Variants in ZNF513 observed in about 807,000 individuals in gnomAD.
ZNF513 encodes zinc finger protein 513.
In ZNF513, 16 loss-of-function variants were observed where a neutral mutation model predicts 39.7. That is an observed-to-expected ratio of 0.40 (90% CI 0.27 to 0.61). ZNF513 has a LOEUF of 0.61. ZNF513 is among the 20% of genes least tolerant of loss of function. The pLI is 0.39. For missense variants in ZNF513, 699 were observed against 743.6 expected, an observed-to-expected ratio of 0.94 and a Z score of 0.70; for synonymous variants, 348 against 296.5, an observed-to-expected ratio of 1.17 and a Z score of -1.79.
intron 2 of ZNF513, among the ~76,000 whole-genome samples, chr2:27,379,594 A>G (rs919028722): frequency 1.3e-5 from 2 of 152,242 alleles, no homozygotes; most frequent in East Asian, 1.9e-4. Context: ...AACATCTTGC[A>G]TAAGTGGATG....
At chr2:27,380,035 C>T (rs1304540322) in intron 2 of ZNF513, 58 bp downstream of exon 2, 14 of 1,611,942 alleles carry the variant, frequency 8.7e-6, no homozygotes, top group Non-Finnish European at 1.1e-5. Context: ...TAACCTGCCT[C>T]CTGAAGGGCT....
At position 27,378,829 on chromosome 2, in the gene ZNF513, G is replaced by A; in HGVS notation, c.437C>T (p.Pro146Leu). Residue 146 changes from proline to leucine, a missense_variant, in exon 3 of 4, where the codon CCA becomes CTA. Transcript: ENST00000323703. This position sits in a 1 kb window ranked among gnomAD's most constrained non-coding sequence, Gnocchi z 8.0. ...GGPGGGPLLPPRLLYSCRLCT... is the reference protein window; with the variant it reads ...GGPGGGPLLPLRLLYSCRLCT... Reference sequence around the variant, plus strand: ...GAGGCGGCATGAGTACAGTAGCCGTGGGGGCAGCAGGGGCCCCCCACCCGG... The same window carrying A: ...GAGGCGGCATGAGTACAGTAGCCGTAGGGGCAGCAGGGGCCCCCCACCCGG... 1 of 1,610,584 alleles carries A rather than the reference G, an allele frequency of 6.2e-7. No homozygotes were observed.
Position 27,380,713 on chromosome 2 carries a change from G to A in ZNF513, c.-187C>T, listed in dbSNP as rs1424295193. ...TCAGGCCGCTCCCGCCGCCGCCGCC[G>A]CTTCCATTCATGGAGCCCCCTACCC... On this transcript the variant is annotated 5_prime_UTR_variant, in exon 1 of 4. Transcript: ENST00000323703. 1.9e-6 allele frequency: 2 copies of A among 1,056,962 alleles called. No homozygotes were observed. Among genetic ancestry groups the A allele is most frequent in the South Asian group, 4.7e-5 (1 of 21,160 alleles). 65.5% of individuals were successfully genotyped at this position (1,056,962 alleles called of 1,614,324 possible).
At chr2:27,380,421 T>C (rs1683565949) in intron 1 of ZNF513, 51 bp downstream of exon 1, 1 of 1,574,412 alleles carries the variant, frequency 6.4e-7, no homozygotes, top group Non-Finnish European at 8.6e-7. Context: ...CTGAGCCCAC[T>C]CCACTGACCC....
chr2:27,378,940 C>T lies in ZNF513; in HGVS notation c.326G>A (p.Gly109Glu). The T allele has an allele frequency of 1.2e-6, 2 of 1,611,102 alleles. No individual in the cohort carries two copies. The highest frequency in any genetic ancestry group is 2.2e-5 in the South Asian group (2 of 90,880). ...SEVEEPARGP[G>E]EARGERPGPA... Reference sequence around the variant, plus strand: ...GCCTGGCCTCTCACCCCTGGCCTCCCCTGGACCCCTGGCTGGCTCCTCAAC... The same window carrying T: ...GCCTGGCCTCTCACCCCTGGCCTCCTCTGGACCCCTGGCTGGCTCCTCAAC... Residue 109 changes from glycine (G) to glutamate (E), a missense_variant, in exon 3 of 4, where the codon GGG (glycine) becomes GAG (glutamate). Gly to Glu is a moderately conservative substitution (Grantham distance 98). Coordinates refer to ENST00000323703, the MANE Select transcript of ZNF513 (RefSeq NM_144631.6). This position sits in a 1 kb window ranked among gnomAD's most constrained non-coding sequence, Gnocchi z 8.0.
At position 27,380,563 on chromosome 2, in the gene ZNF513, G is replaced by A. The variant is rs748340738; in HGVS notation, c.-37C>T. The A allele has an allele frequency of 9.7e-6, 15 of 1,540,576 alleles. No homozygotes were observed. Among genetic ancestry groups the A allele is most frequent in the African/African-American group, 1.4e-5 (1 of 72,660 alleles). On this transcript the variant is annotated 5_prime_UTR_variant, in exon 1 of 4. Transcript: ENST00000323703. Reference sequence around the variant, plus strand: ...CCAGCCCGACGCGCCTCCGGCCTGCGGCCGCCCGACCCCGCCCCTCCTATC... The same window carrying A: ...CCAGCCCGACGCGCCTCCGGCCTGCAGCCGCCCGACCCCGCCCCTCCTATC...
In ZNF513 at chr2:27,378,426, C is replaced by T; in HGVS notation, c.799+41G>A. 1 of 1,613,094 alleles carries T rather than the reference C, an allele frequency of 6.2e-7. No individual in the cohort carries two copies. The highest frequency in any genetic ancestry group is 8.5e-7 in the Non-Finnish European group (1 of 1,179,940). ...CCAATCCAAGCATTCCTAGGGTCAG[C>T]CACCCATGTCCCAAGATCTTTGGTC... is the stretch of plus-strand genomic sequence containing the variant. On this transcript the variant is annotated intron_variant, in intron 3 of 3. Transcript: ENST00000323703. The surrounding 1 kb of genome is among the most constrained non-coding windows in gnomAD (Gnocchi z 8.0).
intron 2 of ZNF513, 111 bp downstream of exon 2, chr2:27,379,982 A>G (rs112889370): frequency 9.8e-6 from 14 of 1,431,840 alleles, no homozygotes; most frequent in Non-Finnish European, 1.3e-5. Context: ...AATGTAAACT[A>G]AACCAGCCCT....
chr2:27,379,064 T>G lies in ZNF513; in HGVS notation c.212-10A>C, dbSNP rs747980974. ...GCCCCCAGAGAGTCTCCTGGTGAAA[T>G]AGACATAAGAAGAGACATCAGCATA... On this transcript the variant is annotated splice_polypyrimidine_tract_variant and intron_variant, in intron 2 of 3. Transcript: ENST00000323703. The G allele has an allele frequency of 1.2e-6, 2 of 1,611,870 alleles. No homozygotes were observed. The highest frequency in any genetic ancestry group is 1.3e-5 in the African/African-American group (1 of 74,984).
rs1475402443 is a variant in ZNF513 at position 27,378,918 on chromosome 2, T to C, written c.348A>G (p.Pro116=). 1 of 1,607,408 alleles carries C rather than the reference T, an allele frequency of 6.2e-7. No individual in the cohort carries two copies. Among genetic ancestry groups the C allele is most frequent in the Admixed American group, 1.7e-5 (1 of 59,194 alleles). The change falls in exon 3 of 4, where the codon CCA becomes CCG. Residue 116 remains proline (P), a synonymous_variant. Coordinates refer to ENST00000323703, the MANE Select transcript of ZNF513 (RefSeq NM_144631.6). This position sits in a 1 kb window ranked among gnomAD's most constrained non-coding sequence, Gnocchi z 8.0. ...RGPGEARGER[P]GPACQLCGGP... The stretch of plus-strand genomic sequence containing the variant: ...CCCCACACAGCTGGCAGGCTGGGCC[T>C]GGCCTCTCACCCCTGGCCTCCCCTG...
rs1433676580 is a variant in ZNF513 at position 27,378,294 on chromosome 2, G to A, written c.877C>T (p.Arg293Trp). 2.5e-6 allele frequency: 4 copies of A among 1,600,900 alleles called. No individual in the cohort carries two copies. Among genetic ancestry groups the A allele is most frequent in the Non-Finnish European group, 3.4e-6 (4 of 1,179,958 alleles). The change falls in exon 4 of 4, where the codon CGG (arginine) becomes TGG (tryptophan). Residue 293 changes from arginine to tryptophan, a missense_variant. This residue lies in a region of ZNF513 where 530 missense variants were observed against 499.3 expected (regional missense o/e 1.06). Coordinates refer to ENST00000323703, the MANE Select transcript of ZNF513 (RefSeq NM_144631.6). The surrounding 1 kb of genome is among the most constrained non-coding windows in gnomAD (Gnocchi z 8.0). The stretch of plus-strand genomic sequence containing the variant: ...CCGCAGAGGCCCTCCCCTTCACCCC[G>A]CAGCTGCCCACAGTCTGGCAGGAAA... The part of the protein sequence containing the change: ...ASFLPDCGQL[R>W]GEGEGLCGTG...
intron 2 of ZNF513, among the ~76,000 whole-genome samples, chr2:27,379,301 G>A (rs1683511122): frequency 6.6e-6 from 1 of 152,110 alleles, no homozygotes; most frequent in Non-Finnish European, 1.5e-5. Context: ...TTCCCTCAAT[G>A]GTCAAGGATC....
Position 27,378,781 on chromosome 2 carries a change from G to C in ZNF513, c.485C>G (p.Ser162Trp), listed in dbSNP as rs771059373. 1 of 1,613,946 alleles carries C rather than the reference G, an allele frequency of 6.2e-7. No homozygotes were observed. The highest frequency in any genetic ancestry group is 8.5e-7 in the Non-Finnish European group (1 of 1,179,912). ...CTGCATGTGCCGCTTCAGGTGGCTCGAGTAGTGGGACACGAAGGTGCAGAG... is the reference window on the plus strand; with the variant it reads ...CTGCATGTGCCGCTTCAGGTGGCTCCAGTAGTGGGACACGAAGGTGCAGAG... ...CRLCTFVSHY[S>W]SHLKRHMQTH... Residue 162 changes from serine (S) to tryptophan (W), a missense_variant, in exon 3 of 4, where the codon TCG (serine) becomes TGG (tryptophan). Around this residue, in one of 3 missense-constraint regions of ZNF513, gnomAD observed 530 missense variants for 499.3 expected, o/e 1.06. Transcript: ENST00000323703. This position sits in a 1 kb window ranked among gnomAD's most constrained non-coding sequence, Gnocchi z 8.0.
rs1282829166 is a variant in ZNF513, at chr2:27,377,247, T to A, written c.*298A>T. On this transcript the variant is annotated 3_prime_UTR_variant, in exon 4 of 4. Transcript: ENST00000323703. The surrounding 1 kb of genome is among the most constrained non-coding windows in gnomAD (Gnocchi z 4.4). ...GCATAGACATGGCTTTGTTAGTGTT[T>A]CCTTTATTATAAAGCACTGAAATAA... is the stretch of plus-strand genomic sequence containing the variant. 1 of 564,254 alleles carries A rather than the reference T, an allele frequency of 1.8e-6. No individual in the cohort carries two copies. Among genetic ancestry groups the A allele is most frequent in the Non-Finnish European group, 3.2e-6 (1 of 313,414 alleles). The allele number at this position is 564,254 out of a possible 1,614,324, so 35.0% of individuals were successfully genotyped here. A position where few individuals can be genotyped will look rare whatever the true frequency, so the allele number is the denominator to read the frequency against.
chr2:27,380,218 G>C lies in ZNF513; in HGVS notation c.86C>G (p.Pro29Arg), dbSNP rs1351414808. 2 of 1,613,924 alleles carry C rather than the reference G, an allele frequency of 1.2e-6. No individual in the cohort carries two copies. Among genetic ancestry groups the C allele is most frequent in the Middle Eastern group, 1.6e-4 (1 of 6,062 alleles). ...VDTEDSLDEG[P>R]GALVLESDLL... ...ATCACTCTCCAATACCAGGGCCCCG[G>C]GTCCTTCGTCGAGGGAGTCTTCAGT... The change falls in exon 2 of 4, where the codon CCC (proline) becomes CGC (arginine). Residue 29 changes from proline (P) to arginine (R), a missense_variant. Pro to Arg is a moderately radical substitution (Grantham distance 103). This residue lies in a region of ZNF513 where 530 missense variants were observed against 499.3 expected (regional missense o/e 1.06). Coordinates refer to ENST00000323703, the MANE Select transcript of ZNF513 (RefSeq NM_144631.6).
At position 27,378,081 on chromosome 2, in the gene ZNF513, G is replaced by A. The variant is rs1683427714; in HGVS notation, c.1090C>T (p.Leu364Phe). 6.2e-7 allele frequency: 1 copy of A among 1,612,650 alleles called. No individual in the cohort carries two copies. The highest frequency in any genetic ancestry group is 8.5e-7 in the Non-Finnish European group (1 of 1,179,092). The part of the protein sequence containing the change: ...GPSDKGFACS[L>F]CPFATHYPNH... ...GGATAGTGAGTGGCAAAGGGGCAGA[G>A]GCTACAGGCAAAGCCTTTGTCACTG... Residue 364 changes from leucine to phenylalanine, a missense_variant, in exon 4 of 4, where the codon CTC becomes TTC. Leu to Phe is a conservative substitution (Grantham distance 22). Transcript: ENST00000323703. The surrounding 1 kb of genome is among the most constrained non-coding windows in gnomAD (Gnocchi z 8.0).
chr2:27,377,565 C>T lies in ZNF513; in HGVS notation c.1606G>A (p.Val536Ile). Reference protein sequence around the residue: ...PALGTAGSRAVHTDSS With the variant: ...PALGTAGSRAIHTDSS Reference sequence around the variant, plus strand: ...CTAGTTCAGGATGAGTCTGTGTGGACAGCCCGGCTGCCAGCAGTCCCCAGG... The same window carrying T: ...CTAGTTCAGGATGAGTCTGTGTGGATAGCCCGGCTGCCAGCAGTCCCCAGG... The change falls in exon 4 of 4, where the codon GTC becomes ATC. Residue 536 changes from valine to isoleucine, a missense_variant. Physicochemically the swap from Val to Ile is conservative, Grantham distance 29 (BLOSUM62 3). Transcript: ENST00000323703. The surrounding 1 kb of genome is among the most constrained non-coding windows in gnomAD (Gnocchi z 4.4). 1.2e-6 allele frequency: 2 copies of T among 1,614,064 alleles called. No individual in the cohort carries two copies. The highest frequency in any genetic ancestry group is 8.5e-7 in the Non-Finnish European group (1 of 1,180,034).
In ZNF513 at chr2:27,377,918, C is replaced by A; in HGVS notation, c.1253G>T (p.Cys418Phe). Residue 418 changes from cysteine to phenylalanine, a missense_variant, in exon 4 of 4, where the codon TGC becomes TTC. Cys to Phe is a radical substitution (Grantham distance 205). Around this residue, in one of 3 missense-constraint regions of ZNF513, gnomAD observed 98 missense variants for 180.2 expected, o/e 0.54. Transcript: ENST00000323703. The surrounding 1 kb of genome is among the most constrained non-coding windows in gnomAD (Gnocchi z 4.4). ...RVHTGEKPYK[C>F]PLCPYACGNL... The stretch of plus-strand genomic sequence containing the variant: ...GCCACAGGCATAAGGGCAGAGGGGG[C>A]ACTTGTAGGGCTTCTCTCCTGTATG... The A allele has an allele frequency of 6.2e-7, 1 of 1,614,022 alleles. No individual in the cohort carries two copies.
chr2:27,377,913 G>T lies in ZNF513; in HGVS notation c.1258C>A (p.Leu420Ile). Residue 420 changes from leucine to isoleucine, a missense_variant, in exon 4 of 4, where the codon CTC (leucine) becomes ATC (isoleucine). Leu to Ile is a conservative substitution (Grantham distance 5). Around this residue, in one of 3 missense-constraint regions of ZNF513, gnomAD observed 98 missense variants for 180.2 expected, o/e 0.54. Coordinates refer to ENST00000323703, the MANE Select transcript of ZNF513 (RefSeq NM_144631.6). This position sits in a 1 kb window ranked among gnomAD's most constrained non-coding sequence, Gnocchi z 4.4. ...AGATTGCCACAGGCATAAGGGCAGA[G>T]GGGGCACTTGTAGGGCTTCTCTCCT... is the stretch of plus-strand genomic sequence containing the variant. ...HTGEKPYKCP[L>I]CPYACGNLAN... 1 of 1,614,160 alleles carries T rather than the reference G, an allele frequency of 6.2e-7. No individual in the cohort carries two copies. Among genetic ancestry groups the T allele is most frequent in the Non-Finnish European group, 8.5e-7 (1 of 1,180,004 alleles).
Sources: gnomAD v4.1 joint callset for allele counts (sites outside exome capture counted in the v4.1 genomes callset) on GRCh38, gnomAD v4.1.1 for gene constraint, gnomAD v4.1.1 regional missense constraint, Gnocchi (gnomAD v3.1) non-coding constraint, MANE v1.5 for transcripts, NCBI Gene and HGNC (gene_info 2026-07-23, HGNC 2026-07-21) for gene names.